POLR2F: variants seen among roughly 807,000 people sequenced by gnomAD.
POLR2F encodes the protein RNA polymerase II, I and III subunit F.
In POLR2F, 12 loss-of-function variants were observed where a neutral mutation model predicts 22.7. The ratio of observed to expected loss-of-function variants is 0.53; its 90% confidence interval spans 0.34 to 0.86. The LOEUF is 0.86. POLR2F is among the 40% of genes least tolerant of loss of function. The pLI is 0.02. For synonymous variants in POLR2F, 57 were observed against 66.0 expected (o/e 0.86, Z 0.66); for missense variants, 126 against 171.5 (o/e 0.73, Z 1.48).
intron 3 of POLR2F, among the ~76,000 whole-genome samples, chr22:37,962,052 G>A (rs1931664438): frequency 6.6e-6 from 1 of 152,096 alleles, no homozygotes; most frequent in Admixed American, 6.6e-5. Flanking sequence ...GCAACATGGT[G>A]AAACCCCATC....
At chr22:37,975,944 T>C (rs774241848) in intron 4 of POLR2F, among the ~76,000 whole-genome samples, 1 of 151,984 alleles carries the variant, frequency 6.6e-6, no homozygotes, top group Non-Finnish European at 1.5e-5. Flanking sequence ...ACTATATATA[T>C]AGTAAGAGAT....
chr22:38,022,085 C>T (rs1024513699), intron 1 of POLR2F, among the ~76,000 whole-genome samples: 5 of 149,218 alleles, frequency 3.4e-5, no homozygotes, highest in Admixed American at 2.7e-4. Context: ...GAGCTGAGAT[C>T]GTGCCACTGC....
In POLR2F at chr22:38,016,704, G is replaced by C. The variant is rs1363625617; in HGVS notation, c.121-9165G>C. ...TTTGGCAGCGGTTCCAGCCCTGGGC[G>C]GGTGGAAAGAGTGCTGGCACGCACC... On this transcript the variant is annotated intron_variant, in intron 1 of 2. Transcript: ENST00000333418. The surrounding 1 kb of genome is among the most constrained non-coding windows in gnomAD (Gnocchi z 4.4). 6.6e-6 allele frequency among the ~76,000 whole-genome samples: 1 copy of C among 151,934 alleles called. No homozygotes were observed. Among genetic ancestry groups the C allele is most frequent in the Admixed American group, 6.5e-5 (1 of 15,270 alleles).
upstream of POLR2F, chr22:37,983,511 C>T (rs142113652): frequency 1.9e-6 from 3 of 1,610,164 alleles, no homozygotes; most frequent in African/African-American, 2.7e-5. The surrounding 1 kb of genome is among the most constrained non-coding windows in gnomAD (Gnocchi z 9.5). Flanking sequence ...TTGACGCGCA[C>T]GGGCATGGGC....
chr22:37,990,281 T>C (rs1219148135), intron 1 of POLR2F, among the ~76,000 whole-genome samples: 1 of 152,078 alleles, frequency 6.6e-6, no homozygotes, highest in African/African-American at 2.4e-5. Flanking sequence ...AAGCAGAGGG[T>C]CTCGGACCCA....
chr22:38,041,473 G>C (rs998488117), downstream of POLR2F: 5 of 289,244 alleles, frequency 1.7e-5, no homozygotes, highest in South Asian at 2.5e-4. Flanking sequence ...CGGTGGAAAA[G>C]CTCCAGCCCC....
chr22:38,026,701 T>C (rs965023406), downstream of POLR2F: 2 of 209,022 alleles, frequency 9.6e-6, no homozygotes, highest in Non-Finnish European at 2.0e-5. Context: ...TCTCTTACCC[T>C]TTAAAGGCGG....
At chr22:37,998,464 A>G (rs1276330733) in intron 1 of POLR2F, among the ~76,000 whole-genome samples, 1 of 152,172 alleles carries the variant, frequency 6.6e-6, no homozygotes, top group Non-Finnish European at 1.5e-5. Context: ...TCTGACTTCC[A>G]GGGCCTGGTG....
chr22:37,968,948 G>A lies in POLR2F; in HGVS notation c.*1233G>A. 1.0e-6 allele frequency: 1 copy of A among 985,492 alleles called. No individual in the cohort carries two copies. The highest frequency in any genetic ancestry group is 1.2e-6 in the Non-Finnish European group (1 of 829,958). The allele number at this position is 985,492 out of a possible 1,614,324, so 61.0% of individuals were successfully genotyped here. A position where few individuals can be genotyped will look rare whatever the true frequency, so the allele number is the denominator to read the frequency against. On this transcript the variant is annotated 3_prime_UTR_variant, in exon 5 of 5. Coordinates refer to ENST00000442738, the MANE Select transcript of POLR2F (RefSeq NM_021974.5). ...CTCCCATCCACCCTCCTCCAAGCCT[G>A]TGGAATCCTTTAATCAAGTTGGGTG...
At chr22:38,007,868 T>G (rs1348077730) in intron 1 of POLR2F, among the ~76,000 whole-genome samples, 1 of 152,204 alleles carries the variant, frequency 6.6e-6, no homozygotes, top group Non-Finnish European at 1.5e-5. Flanking sequence ...CGAGTGAGTA[T>G]AGACGCTGTG....
intron 1 of POLR2F, among the ~76,000 whole-genome samples, chr22:37,954,834 G>A (rs1162279463): frequency 6.6e-6 from 1 of 152,110 alleles, no homozygotes; most frequent in Non-Finnish European, 1.5e-5. Context: ...GAGATGACCC[G>A]TGGCTGAGCA....
At chr22:38,035,411 A>G (rs1402833485) in intron 5 of POLR2F, among the ~76,000 whole-genome samples, 1 of 152,210 alleles carries the variant, frequency 6.6e-6, no homozygotes, top group African/African-American at 2.4e-5. Flanking sequence ...CTGCTGCCCA[A>G]CGGTCTAGAG....
chr22:37,967,320 G>A (rs755010219), intron 4 of POLR2F, 150 bp downstream of exon 4: 94 of 1,497,146 alleles, frequency 6.3e-5, no homozygotes, highest in Non-Finnish European at 8.1e-5. Context: ...GGAAGTAGGA[G>A]GAAGAGAGAA....
intron 1 of POLR2F, among the ~76,000 whole-genome samples, chr22:37,995,808 A>G (rs1418725281): frequency 6.6e-6 from 1 of 151,266 alleles, no homozygotes; most frequent in African/African-American, 2.4e-5. Flanking sequence ...ACTTGTTATC[A>G]TGGCGAAACC....
intron 3 of POLR2F, among the ~76,000 whole-genome samples, 178 bp from the exon 4 acceptor site, chr22:37,966,921 T>G (rs1203694917): frequency 6.6e-6 from 1 of 152,170 alleles, no homozygotes; most frequent in African/African-American, 2.4e-5. Context: ...GAGTCTGTGA[T>G]AGGCCTCTGC....
At chr22:38,002,980 C>T (rs1052544104) in intron 1 of POLR2F, among the ~76,000 whole-genome samples, 2 of 152,094 alleles carry the variant, frequency 1.3e-5, no homozygotes. Context: ...TTGCCTCGGC[C>T]TCTCAAAGTG....
At chr22:37,957,909 T>C (rs1931464069) in intron 2 of POLR2F, among the ~76,000 whole-genome samples, 1 of 152,238 alleles carries the variant, frequency 6.6e-6, no homozygotes, top group Admixed American at 6.5e-5. Context: ...ATGGCCTCTC[T>C]GCTTCTGCCA....
chr22:38,034,838 G>C (rs1470717882), intron 5 of POLR2F, among the ~76,000 whole-genome samples: 2 of 152,206 alleles, frequency 1.3e-5, no homozygotes, highest in Non-Finnish European at 2.9e-5. Flanking sequence ...GGAGAAACCA[G>C]TTGGGAGCTT....
intron 5 of POLR2F, among the ~76,000 whole-genome samples, chr22:38,038,942 A>AGG (rs940255962): frequency 2.6e-5 from 4 of 152,010 alleles, no homozygotes; most frequent in African/African-American, 9.7e-5. Flanking sequence ...GGGCAGTCGT[A>AGG]GGGGGCGGCT....
Sources: allele counts gnomAD v4.1 joint callset (sites outside exome capture counted in the v4.1 genomes callset), GRCh38; gene constraint gnomAD v4.1.1; non-coding constraint Gnocchi (gnomAD v3.1); transcripts MANE v1.5; gene names NCBI Gene and HGNC (gene_info 2026-07-23, HGNC 2026-07-21).